The following MCPH1 variants were observed in gnomAD, a reference collection of about 807,000 sequenced individuals.
MCPH1 encodes microcephalin.
Under a neutral mutation model 84.5 loss-of-function variants are expected in MCPH1, and 104 were observed. The ratio of observed to expected loss-of-function variants is 1.23; its 90% CI spans 1.05 to 1.45. MCPH1 has a LOEUF of 1.45. Among genes scored for constraint, MCPH1 ranks in the 40% most tolerant of loss-of-function variants. The pLI, the probability that MCPH1 is intolerant of heterozygous loss-of-function variation, is 0.00. For synonymous variants in MCPH1, 514 were observed against 366.8 expected (o/e 1.40, Z -4.58); for missense variants, 1,498 against 1,005.7 (o/e 1.49, Z -6.62).
intron 12 of MCPH1, among the ~76,000 whole-genome samples, chr8:6,503,855 G>C (rs1036397157): frequency 6.6e-6 from 1 of 152,214 alleles, no homozygotes; most frequent in African/African-American, 2.4e-5. Flanking sequence ...TGGGAGTGAA[G>C]CCCCATCTGC....
At chr8:6,504,168 A>G in intron 12 of MCPH1, among the ~76,000 whole-genome samples, 1 of 151,792 alleles carries the variant, frequency 6.6e-6, no homozygotes, top group East Asian at 1.9e-4. Context: ...AATACAAAAA[A>G]TTAGCCGGGC....
Position 6,506,013 on chromosome 8 carries a change from G to GTA in MCPH1, c.2214+6093_2214+6094dup, listed in dbSNP as rs367554962. ...AAACATATACATATTCTTTATATATGTATATATATAAAAACATATATATAT... is the reference window on the plus strand; with the variant it reads ...AAACATATACATATTCTTTATATATGTATATATATATAAAAACATATATATAT... On this transcript the variant is annotated intron_variant, in intron 12 of 13. Transcript: ENST00000344683. 2.2e-4 allele frequency among the ~76,000 whole-genome samples: 30 copies of GTA among 134,644 alleles called. 2 individuals are homozygous for GTA. Among genetic ancestry groups the GTA allele is most frequent in the African/African-American group, 7.5e-4 (27 of 35,948 alleles). The allele number at this position is 134,644 out of a possible 152,430, so 88.3% of individuals were successfully genotyped here.
intron 2 of MCPH1, among the ~76,000 whole-genome samples, chr8:6,410,122 A>G (rs553562323): frequency 1.4e-4 from 21 of 151,998 alleles, no homozygotes; most frequent in East Asian, 1.4e-3. Context: ...GGCACATGCC[A>G]CCATGCCTAG....
At chr8:6,520,994 T>G (rs934313783) in intron 12 of MCPH1, among the ~76,000 whole-genome samples, 1 of 152,200 alleles carries the variant, frequency 6.6e-6, no homozygotes, top group Non-Finnish European at 1.5e-5. Context: ...GGGTGTTTGC[T>G]TCATAATAAT....
chr8:6,597,138 A>G (rs961104316), intron 12 of MCPH1, among the ~76,000 whole-genome samples: 9 of 152,308 alleles, frequency 5.9e-5, no homozygotes, highest in African/African-American at 1.9e-4. Context: ...CTAAGCCTCA[A>G]TGAAGGTAAT....
intron 3 of MCPH1, among the ~76,000 whole-genome samples, chr8:6,416,950 C>A (rs936051424): frequency 1.2e-4 from 18 of 151,488 alleles, no homozygotes; most frequent in Non-Finnish European, 1.2e-4. Flanking sequence ...ACCAAGACCA[C>A]GCCATTGCAC....
At chr8:6,439,766 C>A (rs1252920234) in intron 6 of MCPH1, among the ~76,000 whole-genome samples, 1 of 152,092 alleles carries the variant, frequency 6.6e-6, no homozygotes, top group African/African-American at 2.4e-5. Context: ...GTTTGTTTTT[C>A]ATTATTTCTT....
At chr8:6,536,622 T>C (rs919869739) in intron 12 of MCPH1, among the ~76,000 whole-genome samples, 2 of 152,144 alleles carry the variant, frequency 1.3e-5, no homozygotes, top group Non-Finnish European at 2.9e-5. Context: ...TAGTAGTAAT[T>C]TTTAGAGGTA....
intron 12 of MCPH1, among the ~76,000 whole-genome samples, chr8:6,505,900 TAC>T (rs552452628): frequency 3.3e-5 from 3 of 89,954 alleles, no homozygotes; most frequent in Non-Finnish European, 6.1e-5. Context: ...TATAAAAACA[TAC>T]ATATTCTTTA....
At chr8:6,549,022 A>G (rs903627963) in intron 12 of MCPH1, among the ~76,000 whole-genome samples, 35 of 152,364 alleles carry the variant, frequency 2.3e-4, no homozygotes, top group African/African-American at 8.2e-4. Context: ...TCACGGAATA[A>G]ACACCAAGAC....
At chr8:6,630,558 G>C (rs1797077593) in intron 13 of MCPH1, among the ~76,000 whole-genome samples, 1 of 152,150 alleles carries the variant, frequency 6.6e-6, no homozygotes, top group Non-Finnish European at 1.5e-5. Flanking sequence ...GAAGTGGACA[G>C]ATCACTTGAG....
intron 13 of MCPH1, among the ~76,000 whole-genome samples, chr8:6,624,473 C>G (rs533076905): frequency 6.6e-6 from 1 of 152,178 alleles, no homozygotes; most frequent in Non-Finnish European, 1.5e-5. Context: ...CTCCAGTGTA[C>G]CAGGCCTCTC....
chr8:6,485,886 G>A (rs1809835198), intron 11 of MCPH1, among the ~76,000 whole-genome samples: 1 of 152,116 alleles, frequency 6.6e-6, no homozygotes, highest in African/African-American at 2.4e-5. Context: ...ACTCTCGCTG[G>A]CACAACAGGA....
chr8:6,635,934 T>A (rs1315883656), intron 13 of MCPH1, among the ~76,000 whole-genome samples: 2 of 152,232 alleles, frequency 1.3e-5, no homozygotes, highest in African/African-American at 4.8e-5. Context: ...GCTGCTTAGC[T>A]CCCCTGAGCA....
Position 6,499,936 on chromosome 8 carries a change from C to A in MCPH1, c.2214+7C>A, listed in dbSNP as rs770754818. 1.9e-6 allele frequency: 3 copies of A among 1,612,216 alleles called. No homozygotes were observed. The South Asian group carries it at 3.3e-5, about 18-fold the overall frequency. ...CCACTTCCCTGCAGCTCCCGTAAGTCAGATGTTGTTTTACGATGGTAAATG... is the reference window on the plus strand; with the variant it reads ...CCACTTCCCTGCAGCTCCCGTAAGTAAGATGTTGTTTTACGATGGTAAATG... On this transcript the variant is annotated splice_region_variant and intron_variant, in intron 12 of 13. Transcript: ENST00000344683.
At chr8:6,641,924 A>T (rs1270726079) in intron 13 of MCPH1, among the ~76,000 whole-genome samples, 1 of 152,126 alleles carries the variant, frequency 6.6e-6, no homozygotes, top group Non-Finnish European at 1.5e-5. Context: ...AATTCATCTG[A>T]GGGTCCCTCA....
At chr8:6,542,906 A>G (rs1821871771) in intron 12 of MCPH1, among the ~76,000 whole-genome samples, 1 of 152,212 alleles carries the variant, frequency 6.6e-6, no homozygotes, top group African/African-American at 2.4e-5. Flanking sequence ...AAATTTAGAT[A>G]ATTTTCTAGA....
chr8:6,623,471 C>CT (rs1465174010), intron 13 of MCPH1, among the ~76,000 whole-genome samples: 1 of 151,886 alleles, frequency 6.6e-6, no homozygotes, highest in Non-Finnish European at 1.5e-5. Flanking sequence ...AAATCCTAAA[C>CT]TTCTGGCTTT....
rs76248382 is a variant in MCPH1, at chr8:6,497,540, G to C, written c.2137-2312G>C. 9.0e-3 allele frequency among the ~76,000 whole-genome samples: 1,374 copies of C among 152,138 alleles called. 22 individuals carry two copies. The highest frequency in any genetic ancestry group is 0.031 in the African/African-American group (1,291 of 41,518). ...GAAGTTGAAAACAGCTTAGGGAAGA[G>C]CTGCAACCACTGACCAGCACCAGTA... On this transcript the variant is annotated intron_variant, in intron 11 of 13. Coordinates refer to ENST00000344683, the MANE Select transcript of MCPH1 (RefSeq NM_024596.5).
Sources: allele counts gnomAD v4.1 joint callset (sites outside exome capture counted in the v4.1 genomes callset), GRCh38; gene constraint gnomAD v4.1.1; transcripts MANE v1.5; gene names NCBI Gene and HGNC (gene_info 2026-07-23, HGNC 2026-07-21).